The following WASF3 variants were observed in gnomAD, a reference collection of about 807,000 sequenced individuals.
The protein encoded by WASF3 is WASP family member 3.
In WASF3, 11 loss-of-function variants were observed where a neutral mutation model predicts 46.6. The observed-to-expected ratio is 0.24, with a 90% CI of 0.15 to 0.39. The LOEUF (loss-of-function observed/expected upper bound fraction) is 0.39, where lower values mean the gene tolerates loss of function less well. Among genes scored for constraint, WASF3 ranks in the 10% least tolerant of loss-of-function variants. The pLI, the probability that WASF3 is intolerant of heterozygous loss-of-function variation, is 1.00. For synonymous variants in WASF3, 242 were observed against 259.7 expected, an observed-to-expected ratio of 0.93 and a Z score of 0.65; for missense variants, 576 against 669.8, an observed-to-expected ratio of 0.86 and a Z score of 1.55.
chr13:26,667,427 G>T (rs779967907), intron 4 of WASF3, 90 bp from the exon 5 acceptor site: 80 of 1,130,578 alleles, frequency 7.1e-5, no homozygotes, highest in Non-Finnish European at 9.6e-5. Context: ...GTTCTAGGAG[G>T]TGTTTTTAAT....
Position 26,685,952 on chromosome 13 carries a change from A to G in WASF3, c.*107A>G, listed in dbSNP as rs912693597. 7.0e-7 allele frequency: 1 copy of G among 1,426,282 alleles called. No homozygotes were observed. The highest frequency in any genetic ancestry group is 2.4e-5 in the East Asian group (1 of 41,386). 88.4% of individuals were successfully genotyped at this position (1,426,282 alleles called of 1,614,324 possible). A position where few individuals can be genotyped will look rare whatever the true frequency, so the allele number is the denominator to read the frequency against. ...TCCCGTAGCATAGCACCTTTTGTAT[A>G]AACAATGTGATATTGCTTCTGCACA... On this transcript the variant is annotated 3_prime_UTR_variant, in exon 10 of 10. Coordinates refer to ENST00000335327, the MANE Select transcript of WASF3 (RefSeq NM_006646.6).
intron 2 of WASF3, among the ~76,000 whole-genome samples, chr13:26,631,231 C>T (rs149450619): frequency 0.025 from 3,787 of 152,204 alleles, 63 homozygotes; most frequent in Non-Finnish European, 0.038. Flanking sequence ...CTCATGGAGT[C>T]CTGAAGTCCT....
At position 26,688,899 on chromosome 13, in the gene WASF3, A is replaced by C. The variant is rs565830731; in HGVS notation, c.*3054A>C. ...TTACTATAGATTATGTACAAGTAAC[A>C]TCTAAATAAAATTACACTTTTAACC... On this transcript the variant is annotated 3_prime_UTR_variant, in exon 10 of 10. Coordinates refer to ENST00000335327, the MANE Select transcript of WASF3 (RefSeq NM_006646.6). The C allele has an allele frequency of 3.3e-5, 5 of 152,334 alleles. No individual in the cohort carries two copies. The South Asian group carries it at 1.0e-3, about 32-fold the overall frequency. 9.4% of individuals were successfully genotyped at this position (152,334 alleles called of 1,614,324 possible).
At chr13:26,624,066 T>C (rs542486876) in intron 2 of WASF3, among the ~76,000 whole-genome samples, 1 of 152,122 alleles carries the variant, frequency 6.6e-6, no homozygotes, top group African/African-American at 2.4e-5. Flanking sequence ...GCAAATGATA[T>C]CCAGCATTCA....
At chr13:26,552,249 G>T in the WASF3 span, among the ~76,000 whole-genome samples, 1 of 152,168 alleles carries the variant, frequency 6.6e-6, no homozygotes, top group African/African-American at 2.4e-5. Context: ...ATATCCAATA[G>T]ATGTTATGAA....
intron 6 of WASF3, among the ~76,000 whole-genome samples, chr13:26,675,429 A>C (rs554739905): frequency 6.6e-5 from 10 of 150,932 alleles, no homozygotes; most frequent in Non-Finnish European, 1.5e-4. Flanking sequence ...ATACACTTTC[A>C]ATACTCTCAG....
chr13:26,540,776 C>T, the WASF3 span, among the ~76,000 whole-genome samples: 29,993 of 152,122 alleles, frequency 0.2, 3,468 homozygotes, highest in Non-Finnish European at 0.26. Context: ...CGACCTTACA[C>T]GCTTTGCATC....
chr13:26,562,455 A>C (rs1879322352), intron 1 of WASF3, among the ~76,000 whole-genome samples: 1 of 152,148 alleles, frequency 6.6e-6, no homozygotes, highest in Admixed American at 6.5e-5. Context: ...AGTGGAGCCC[A>C]GCATGTGTAG....
chr13:26,578,175 G>A (rs1354185877), intron 1 of WASF3, among the ~76,000 whole-genome samples: 3 of 151,938 alleles, frequency 2.0e-5, no homozygotes, highest in East Asian at 1.9e-4. Flanking sequence ...AGAATATTGC[G>A]TAGAAATTAT....
chr13:26,617,800 G>C (rs1881179745), intron 2 of WASF3, among the ~76,000 whole-genome samples: 1 of 149,472 alleles, frequency 6.7e-6, no homozygotes, highest in African/African-American at 2.4e-5. Context: ...TGTCAAGGGA[G>C]AGACCAGGTG....
upstream of WASF3, among the ~76,000 whole-genome samples, chr13:26,555,724 G>A (rs549826640): frequency 1.3e-5 from 2 of 152,270 alleles, no homozygotes; most frequent in South Asian, 4.1e-4. Context: ...GAGACACAAC[G>A]ACACCATAGA....
rs1201909160 is a variant in WASF3 at position 26,679,305 on chromosome 13, T to C, written c.717-1749T>C. On this transcript the variant is annotated intron_variant, in intron 7 of 9. Transcript: ENST00000335327. The surrounding 1 kb of genome is among the most constrained non-coding windows in gnomAD (Gnocchi z 4.8). ...ACATCCCTTTTCTGTGGTCCTTCCC[T>C]CTTCAACTGACCAGTCCCCTCTTCC... 6.6e-6 allele frequency among the ~76,000 whole-genome samples: 1 copy of C among 152,078 alleles called. No individual in the cohort carries two copies. The highest frequency in any genetic ancestry group is 1.5e-5 in the Non-Finnish European group (1 of 68,010).
At chr13:26,563,065 T>C (rs1176271060) in intron 1 of WASF3, among the ~76,000 whole-genome samples, 1 of 151,684 alleles carries the variant, frequency 6.6e-6, no homozygotes, top group African/African-American at 2.4e-5. Context: ...GGACTTTTCC[T>C]AGGTGCCATT....
chr13:26,595,360 A>G (rs1279401931), intron 1 of WASF3, among the ~76,000 whole-genome samples: 1 of 152,148 alleles, frequency 6.6e-6, no homozygotes, highest in Non-Finnish European at 1.5e-5. Flanking sequence ...TATAGTAATA[A>G]TCTCACAGAA....
intron 2 of WASF3, among the ~76,000 whole-genome samples, chr13:26,618,608 C>T (rs1259072768): frequency 1.3e-5 from 2 of 151,942 alleles, no homozygotes; most frequent in East Asian, 3.9e-4. Flanking sequence ...GAGGACACTC[C>T]ATATATATAT....
chr13:26,546,579 G>C, the WASF3 span, among the ~76,000 whole-genome samples: 1 of 152,082 alleles, frequency 6.6e-6, no homozygotes, highest in African/African-American at 2.4e-5. Flanking sequence ...GGGTGGGGTG[G>C]CGGGTGCCTA....
rs950244936 is a variant in WASF3 at position 26,685,904 on chromosome 13, A to G, written c.*59A>G. 1.1e-4 allele frequency: 172 copies of G among 1,586,478 alleles called. No individual in the cohort carries two copies. The highest frequency in any genetic ancestry group is 1.4e-4 in the Non-Finnish European group (163 of 1,159,820). On this transcript the variant is annotated 3_prime_UTR_variant, in exon 10 of 10. Coordinates refer to ENST00000335327, the MANE Select transcript of WASF3 (RefSeq NM_006646.6). ...GTGTTGAAGATTTTAAGTGGTCTCTACACCCAAATAGTGGTATTCTAATCC... is the reference window on the plus strand; with the variant it reads ...GTGTTGAAGATTTTAAGTGGTCTCTGCACCCAAATAGTGGTATTCTAATCC...
the WASF3 span, among the ~76,000 whole-genome samples, chr13:26,540,676 G>T: frequency 2.0e-5 from 3 of 152,176 alleles, no homozygotes; most frequent in Non-Finnish European, 1.5e-5. Context: ...GGGGCCCCTT[G>T]CCAAGACCAT....
intron 1 of WASF3, among the ~76,000 whole-genome samples, chr13:26,596,083 AC>A (rs1880451542): frequency 3.4e-5 from 5 of 146,330 alleles, no homozygotes; most frequent in Admixed American, 1.4e-4. Context: ...GTACTATTTT[AC>A]ATTTTCACCA....
Sources: allele counts gnomAD v4.1 joint callset (sites outside exome capture counted in the v4.1 genomes callset), GRCh38; gene constraint gnomAD v4.1.1; non-coding constraint Gnocchi (gnomAD v3.1); transcripts MANE v1.5; gene names NCBI Gene and HGNC (gene_info 2026-07-23, HGNC 2026-07-21).